Variants in TJP3 observed in about 807,000 individuals in gnomAD.
TJP3 encodes the protein tight junction protein ZO-3.
Under a neutral mutation model 104.2 loss-of-function variants are expected in TJP3, and 85 were observed. That is an observed-to-expected ratio of 0.82 (90% CI 0.68 to 0.98). The LOEUF is 0.98. Ranked by LOEUF, TJP3 falls within the 50% of genes least tolerant of loss-of-function variation. The probability of loss-of-function intolerance (pLI) is 0.00; values close to 1 mark genes in which losing one functional copy is unlikely to be tolerated. For synonymous variants in TJP3, 550 were observed against 550.6 expected (o/e 1.00, Z 0.02); for missense variants, 1,367 against 1,322.8 (o/e 1.03, Z -0.52).
chr19:3,714,861 G>C (rs1278579564), intron 1 of TJP3, among the ~76,000 whole-genome samples: 1 of 152,078 alleles, frequency 6.6e-6, no homozygotes, highest in African/African-American at 2.4e-5. Flanking sequence ...CCCTCACCCT[G>C]CTCAGATCAC....
At chr19:3,738,368 C>G (rs1568385150) in intron 11 of TJP3, among the ~76,000 whole-genome samples, 187 bp from the exon 12 acceptor site, 2 of 152,188 alleles carry the variant, frequency 1.3e-5, no homozygotes, top group African/African-American at 4.8e-5. Context: ...CACCAGCTGT[C>G]TGTGTCACAC....
intron 1 of TJP3, among the ~76,000 whole-genome samples, chr19:3,720,387 A>G (rs1449075183): frequency 6.6e-6 from 1 of 152,166 alleles, no homozygotes; most frequent in Non-Finnish European, 1.5e-5. Flanking sequence ...GGCCTTGTTT[A>G]CTAAGCAAAC....
chr19:3,716,651 C>T (rs1024154193), intron 1 of TJP3, among the ~76,000 whole-genome samples: 5 of 145,062 alleles, frequency 3.4e-5, no homozygotes, highest in African/African-American at 1.2e-4. Flanking sequence ...TTTGAGACAG[C>T]GTCTAGCTCT....
chr19:3,746,573 C>G lies in TJP3; in HGVS notation c.2099C>G (p.Pro700Arg). 1 of 1,614,016 alleles carries G rather than the reference C, an allele frequency of 6.2e-7. No homozygotes were observed. The highest frequency in any genetic ancestry group is 8.5e-7 in the Non-Finnish European group (1 of 1,180,024). ...TACCCCATTGTGGTCTTCTTCATCC[C>G]CGAGAGCCGGCCGGCCCTCAAGGCA... ...QYYPIVVFFIPESRPALKALR... is the reference protein window; with the variant it reads ...QYYPIVVFFIRESRPALKALR... The change falls in exon 17 of 21, where the codon CCC becomes CGC. Residue 700 changes from proline (P) to arginine (R), a missense_variant. Coordinates refer to ENST00000541714, the MANE Select transcript of TJP3 (RefSeq NM_001267560.2). The surrounding 1 kb of genome is among the most constrained non-coding windows in gnomAD (Gnocchi z 4.1).
In TJP3 at chr19:3,728,550, G is replaced by C. The variant is rs7256900; in HGVS notation, c.49-54G>C. On this transcript the variant is annotated intron_variant, in intron 2 of 20. Transcript: ENST00000541714. ...CTTAGGCCCAGCTCAATAGAGGGGA[G>C]ACCCTTTACCCTGGGGGAAACAGCA... The C allele has an allele frequency of 0.013, 21,060 of 1,599,186 alleles. 2,256 individuals carry two copies. The African/African-American group carries it at 0.24, about 18-fold the overall frequency.
intron 19 of TJP3, among the ~76,000 whole-genome samples, chr19:3,748,723 C>A (rs2036943184): frequency 6.6e-6 from 1 of 150,764 alleles, no homozygotes; most frequent in Admixed American, 6.7e-5. Context: ...CGTGCACCAC[C>A]ATGCCTGGCT....
chr19:3,713,323 C>G (rs1010539128), intron 1 of TJP3, among the ~76,000 whole-genome samples: 1 of 152,218 alleles, frequency 6.6e-6, no homozygotes, highest in Non-Finnish European at 1.5e-5. Flanking sequence ...CCAGGGTCCC[C>G]CAAAACCCAT....
intron 15 of TJP3, among the ~76,000 whole-genome samples, chr19:3,745,246 A>G (rs1487109168): frequency 6.9e-6 from 1 of 145,842 alleles, no homozygotes; most frequent in Non-Finnish European, 1.5e-5. Context: ...CCCAGGTTCA[A>G]GTGATCCTCC....
intron 14 of TJP3, among the ~76,000 whole-genome samples, chr19:3,741,971 AAAAAAAAC>A (rs1281209512): frequency 2.6e-5 from 4 of 151,904 alleles, no homozygotes; most frequent in African/African-American, 4.8e-5. Flanking sequence ...ACTCCGTCTC[AAAAAAAAC>A]AAAAAAACAA....
At chr19:3,714,884 C>T (rs1282977137) in intron 1 of TJP3, among the ~76,000 whole-genome samples, 7 of 152,166 alleles carry the variant, frequency 4.6e-5, no homozygotes, top group East Asian at 3.9e-4. Context: ...TGGCCCTGAA[C>T]GCTGGTTCCC....
intron 11 of TJP3, 67 bp from the exon 12 acceptor site, chr19:3,738,488 T>C (rs1568385185): frequency 1.4e-6 from 2 of 1,413,772 alleles, no homozygotes; most frequent in East Asian, 4.6e-5. Flanking sequence ...CAGAGGAAGG[T>C]CCAGGATCTC....
intron 1 of TJP3, among the ~76,000 whole-genome samples, chr19:3,719,058 C>T (rs1490848054): frequency 6.6e-6 from 1 of 152,008 alleles, no homozygotes; most frequent in Admixed American, 6.6e-5. Flanking sequence ...GTGGCCGGCG[C>T]CTGTAGTCCC....
chr19:3,720,615 G>A (rs1204187384), intron 1 of TJP3, among the ~76,000 whole-genome samples: 1 of 151,756 alleles, frequency 6.6e-6, no homozygotes, highest in Non-Finnish European at 1.5e-5. Flanking sequence ...ACAGCTGGGC[G>A]CAGGTTTTTT....
chr19:3,741,986 AC>A (rs1350956032), intron 14 of TJP3, among the ~76,000 whole-genome samples: 2 of 152,112 alleles, frequency 1.3e-5, no homozygotes, highest in African/African-American at 2.4e-5. Flanking sequence ...AAACAAAAAA[AC>A]AAAAAAATTT....
intron 1 of TJP3, among the ~76,000 whole-genome samples, chr19:3,717,365 A>G (rs1402073536): frequency 8.2e-6 from 1 of 122,242 alleles, no homozygotes; most frequent in Non-Finnish European, 2.0e-5. Context: ...GGCCATCCAA[A>G]GTGGGATTAC....
Position 3,739,034 on chromosome 19 carries a change from G to C in TJP3, c.1531G>C (p.Gly511Arg). ...CCACGTGCTGGACACGCTGCACCCCGGCCCCGGGCAGAGCCACGCACGAGG... is the reference window on the plus strand; with the variant it reads ...CCACGTGCTGGACACGCTGCACCCCCGCCCCGGGCAGAGCCACGCACGAGG... ...VFHVLDTLHP[G>R]PGQSHARGGH... Residue 511 changes from glycine to arginine, a missense_variant, in exon 13 of 21, where the codon GGC becomes CGC. Gly to Arg is a moderately radical substitution (Grantham distance 125). Transcript: ENST00000541714. 2 of 1,611,754 alleles carry C rather than the reference G, an allele frequency of 1.2e-6. No individual in the cohort carries two copies. Among genetic ancestry groups the C allele is most frequent in the South Asian group, 2.2e-5 (2 of 90,914 alleles).
At chr19:3,720,905 T>C (rs975240419) in intron 1 of TJP3, among the ~76,000 whole-genome samples, 51 of 142,520 alleles carry the variant, frequency 3.6e-4, no homozygotes, top group Middle Eastern at 3.5e-3. Context: ...CCTTTTCTTT[T>C]TTTTTTTTTT....
At position 3,744,543 on chromosome 19, in the gene TJP3, A is replaced by G. The variant is rs947250834; in HGVS notation, c.1939+509A>G. ...GCTAGGTGTGGTGGCGCGTACCTGT[A>G]GTCCCAGCTACTCGGGAGGCTGAGG... is the stretch of plus-strand genomic sequence containing the variant. On this transcript the variant is annotated intron_variant, in intron 15 of 20. Coordinates refer to ENST00000541714, the MANE Select transcript of TJP3 (RefSeq NM_001267560.2). Among the ~76,000 whole-genome samples the G allele has an allele frequency of 2.0e-5, 3 of 152,080 alleles. No individual in the cohort carries two copies. The South Asian group carries it at 6.2e-4, about 32-fold the overall frequency.
chr19:3,728,187 C>T (rs2036620961), intron 1 of TJP3, among the ~76,000 whole-genome samples: 1 of 152,046 alleles, frequency 6.6e-6, no homozygotes, highest in Non-Finnish European at 1.5e-5. Flanking sequence ...TTGCAGTGAG[C>T]TGAGATCGTG....
Sources: allele counts gnomAD v4.1 joint callset (sites outside exome capture counted in the v4.1 genomes callset), GRCh38; gene constraint gnomAD v4.1.1; non-coding constraint Gnocchi (gnomAD v3.1); transcripts MANE v1.5; gene names NCBI Gene and HGNC (gene_info 2026-07-23, HGNC 2026-07-21).